RANGAP1: variants seen among roughly 807,000 people sequenced by gnomAD.
RANGAP1 encodes the protein Ran GTPase activating protein 1.
RANGAP1 carries 38 observed loss-of-function variants against 63.5 expected under a neutral mutation model. The ratio of observed to expected loss-of-function variants is 0.60; its 90% CI spans 0.46 to 0.78. The LOEUF (loss-of-function observed/expected upper bound fraction) is 0.78, where lower values mean the gene tolerates loss of function less well. Ranked by LOEUF, RANGAP1 falls within the 30% of genes least tolerant of loss-of-function variation. RANGAP1 has a pLI of 0.00. For synonymous variants in RANGAP1, 329 were observed against 310.5 expected (o/e 1.06, Z -0.63); for missense variants, 630 against 740.3 (o/e 0.85, Z 1.73).
intron 2 of RANGAP1, chr22:41,280,718 G>A (rs1168522292): frequency 6.7e-7 from 1 of 1,500,312 alleles, no homozygotes; most frequent in Non-Finnish European, 8.9e-7. Flanking sequence ...GGGCACAAAG[G>A]GATGCCCAAT....
chr22:41,268,400 C>T (rs973446302), intron 3 of RANGAP1, among the ~76,000 whole-genome samples: 4 of 152,124 alleles, frequency 2.6e-5, no homozygotes, highest in African/African-American at 4.8e-5. Context: ...GGATTACAGA[C>T]GTCCACCACT....
chr22:41,277,531 G>C (rs1156501898), intron 2 of RANGAP1: 2 of 1,192,578 alleles, frequency 1.7e-6, no homozygotes, highest in African/African-American at 3.2e-5. Context: ...ACATGTGGGA[G>C]GGAAGAGATA....
intron 15 of RANGAP1, among the ~76,000 whole-genome samples, chr22:41,247,799 C>G (rs527957356): frequency 6.6e-6 from 1 of 152,244 alleles, no homozygotes; most frequent in Non-Finnish European, 1.5e-5. Context: ...CCAGGATCTG[C>G]GCCAGGCCGG....
chr22:41,268,957 A>AGAGGCTGCTCT (rs2034640536), intron 3 of RANGAP1, among the ~76,000 whole-genome samples: 1 of 152,242 alleles, frequency 6.6e-6, no homozygotes, highest in Admixed American at 6.5e-5. Context: ...CCTCAGGCTC[A>AGAGGCTGCTCT]GAGCCATTAA....
the RANGAP1 span, among the ~76,000 whole-genome samples, chr22:41,296,791 A>C: frequency 6.6e-6 from 1 of 152,208 alleles, no homozygotes; most frequent in Non-Finnish European, 1.5e-5. Flanking sequence ...CACACACACA[A>C]AGTGATTTAT....
At position 41,257,324 on chromosome 22, in the gene RANGAP1, A is replaced by G. The variant is rs1310228159; in HGVS notation, c.775-500T>C. 6.6e-5 allele frequency among the ~76,000 whole-genome samples: 10 copies of G among 152,226 alleles called. No homozygotes were observed. Among genetic ancestry groups the G allele is most frequent in the African/African-American group, 2.2e-4 (9 of 41,464 alleles). On this transcript the variant is annotated intron_variant, in intron 7 of 15. Transcript: ENST00000356244. The surrounding 1 kb of genome is among the most constrained non-coding windows in gnomAD (Gnocchi z 4.0). Reference sequence around the variant, plus strand: ...TGGCAGCCAAGAAGCCACTGCGTTCAGAGCCCAGCACTGTTACCACTGGCA... The same window carrying G: ...TGGCAGCCAAGAAGCCACTGCGTTCGGAGCCCAGCACTGTTACCACTGGCA...
At chr22:41,272,488 G>A (rs1425504247) in intron 3 of RANGAP1, among the ~76,000 whole-genome samples, 2 of 152,032 alleles carry the variant, frequency 1.3e-5, no homozygotes, top group Non-Finnish European at 2.9e-5. Context: ...CTGATCTCAG[G>A]AGTGTGATGT....
the RANGAP1 span, among the ~76,000 whole-genome samples, chr22:41,294,385 G>A: frequency 1.3e-5 from 2 of 152,092 alleles, no homozygotes; most frequent in South Asian, 2.1e-4. Context: ...GTGCAGTGGC[G>A]TGATCTCGGC....
At chr22:41,254,227 C>A in intron 11 of RANGAP1, 81 bp downstream of exon 11, 1 of 1,524,954 alleles carries the variant, frequency 6.6e-7, no homozygotes, top group East Asian at 2.3e-5. Flanking sequence ...AGGAGACACC[C>A]CCTACCCCAT....
Position 41,274,508 on chromosome 22 carries a change from C to A in RANGAP1, c.240+92G>T, listed in dbSNP as rs1601689563. 5 of 1,552,234 alleles carry A rather than the reference C, an allele frequency of 3.2e-6. No individual in the cohort carries two copies. The African/African-American group carries it at 5.4e-5, about 17-fold the overall frequency. The stretch of plus-strand genomic sequence containing the variant: ...TGGGGTACAGCCACACAGGCAGGGG[C>A]CTGGAAGAGACTGGACACAGGCAGG... On this transcript the variant is annotated intron_variant, in intron 3 of 15. Coordinates refer to ENST00000356244, the MANE Select transcript of RANGAP1 (RefSeq NM_002883.4).
the RANGAP1 span, among the ~76,000 whole-genome samples, chr22:41,296,585 T>TGG: frequency 6.7e-6 from 1 of 149,972 alleles, no homozygotes; most frequent in Non-Finnish European, 1.5e-5. Flanking sequence ...AGATGGATGT[T>TGG]GAAGTGAGCC....
chr22:41,263,503 G>A (rs1380498019), intron 5 of RANGAP1, among the ~76,000 whole-genome samples: 2 of 152,144 alleles, frequency 1.3e-5, no homozygotes, highest in Admixed American at 1.3e-4. Flanking sequence ...TCCTGCCTCA[G>A]CCTCCCGAAT....
chr22:41,274,128 G>C (rs1393543576), intron 3 of RANGAP1, among the ~76,000 whole-genome samples: 1 of 150,880 alleles, frequency 6.6e-6, no homozygotes, highest in Non-Finnish European at 1.5e-5. Context: ...GTAGGGAGCT[G>C]GCAGTCTCCA....
intron 13 of RANGAP1, 130 bp from the exon 14 acceptor site, chr22:41,249,947 C>T (rs545077594): frequency 9.4e-6 from 7 of 742,926 alleles, no homozygotes; most frequent in Admixed American, 2.1e-5. Flanking sequence ...GAGGCGAACA[C>T]GAGAGGGACG....
chr22:41,272,426 C>G (rs912617479), intron 3 of RANGAP1, among the ~76,000 whole-genome samples: 1 of 152,240 alleles, frequency 6.6e-6, no homozygotes, highest in African/African-American at 2.4e-5. Flanking sequence ...CCTCTCATGG[C>G]CCCCAGTCCC....
chr22:41,247,200 C>T (rs764923129), intron 15 of RANGAP1, among the ~76,000 whole-genome samples: 5 of 152,142 alleles, frequency 3.3e-5, no homozygotes, highest in African/African-American at 4.8e-5. Flanking sequence ...GGACTACAGA[C>T]GCCCACCACC....
intron 12 of RANGAP1, among the ~76,000 whole-genome samples, chr22:41,252,251 G>A (rs2033506781): frequency 1.3e-5 from 2 of 152,144 alleles, no homozygotes; most frequent in Admixed American, 6.5e-5. Context: ...GCAGTGAGCC[G>A]AGATCGTGCC....
In RANGAP1 at chr22:41,263,255, G is replaced by A. The variant is rs190427424; in HGVS notation, c.480+1409C>T. Among the ~76,000 whole-genome samples the A allele has an allele frequency of 1.6e-4, 25 of 152,344 alleles. No homozygotes were observed. The East Asian group carries it at 4.6e-3, about 28-fold the overall frequency. ...GCTGGGCAGGAGAAGGGAAGTAATG[G>A]AAGGAAAACCGAAGCATTTTGCTAG... is the stretch of plus-strand genomic sequence containing the variant. On this transcript the variant is annotated intron_variant, in intron 5 of 15. Transcript: ENST00000356244.
intron 1 of RANGAP1, chr22:41,281,966 T>C (rs967980227): frequency 6.6e-6 from 1 of 151,910 alleles, no homozygotes; most frequent in Non-Finnish European, 1.5e-5. Context: ...CTACTAAAAA[T>C]AAATACAATT....
Sources: gnomAD v4.1 joint callset for allele counts (sites outside exome capture counted in the v4.1 genomes callset) on GRCh38, gnomAD v4.1.1 for gene constraint, Gnocchi (gnomAD v3.1) non-coding constraint, MANE v1.5 for transcripts, NCBI Gene and HGNC (gene_info 2026-07-23, HGNC 2026-07-21) for gene names.